TENM4: variants seen among roughly 807,000 people sequenced by gnomAD.
The protein encoded by TENM4 is teneurin-4.
A neutral mutation model predicts 243.3 loss-of-function variants in TENM4; 82 were observed. The ratio of observed to expected loss-of-function variants is 0.34; its 90% CI spans 0.28 to 0.40. The LOEUF is 0.40. Ranked by LOEUF, TENM4 falls within the 10% of genes least tolerant of loss-of-function variation. The pLI is 1.00. For missense variants in TENM4, 3,138 were observed against 3,673.3 expected, an observed-to-expected ratio of 0.85 and a Z score of 3.77; for synonymous variants, 1,412 against 1,456.3, an observed-to-expected ratio of 0.97 and a Z score of 0.69.
Position 78,658,744 on chromosome 11 carries a change from G to T in TENM4, c.7624C>A (p.Leu2542Ile), listed in dbSNP as rs1857962925. Residue 2542 changes from leucine (L) to isoleucine (I), a missense_variant, in exon 34 of 34, where the codon CTC (leucine) becomes ATC (isoleucine). Physicochemically the swap from Leu to Ile is conservative, Grantham distance 5 (BLOSUM62 2). Coordinates refer to ENST00000278550, the MANE Select transcript of TENM4 (RefSeq NM_001098816.3). Reference protein sequence around the residue: ...AFVTLERFDQLYGSTITSCQQ... With the variant: ...AFVTLERFDQIYGSTITSCQQ... ...CAGCTGGTGATTGTGGAGCCATAGA[G>T]CTGGTCAAACCGTTCTAAGGTGACA... 1.2e-6 allele frequency: 2 copies of T among 1,613,906 alleles called. No individual in the cohort carries two copies. The highest frequency in any genetic ancestry group is 1.7e-6 in the Non-Finnish European group (2 of 1,179,900).
At chr11:79,120,880 C>T (rs970273791) in intron 4 of TENM4, among the ~76,000 whole-genome samples, 9 of 152,118 alleles carry the variant, frequency 5.9e-5, no homozygotes, top group Admixed American at 5.9e-4. Context: ...TACTTGTTAA[C>T]CCCCACAGCA....
chr11:79,112,936 G>T (rs914782762), intron 4 of TENM4, among the ~76,000 whole-genome samples: 7 of 152,148 alleles, frequency 4.6e-5, no homozygotes, highest in African/African-American at 1.7e-4. Flanking sequence ...AGGCAGAAAA[G>T]ATCAGTTCTC....
At chr11:79,379,496 G>T (rs1857958849) in intron 1 of TENM4, among the ~76,000 whole-genome samples, 1 of 152,186 alleles carries the variant, frequency 6.6e-6, no homozygotes, top group African/African-American at 2.4e-5. Context: ...CTGGATCAGG[G>T]TGGTCCAATT....
At chr11:79,158,640 T>C (rs1862675448) in intron 3 of TENM4, among the ~76,000 whole-genome samples, 1 of 152,212 alleles carries the variant, frequency 6.6e-6, no homozygotes. Flanking sequence ...CATTGTAGTT[T>C]ATACTTCTGA....
intron 2 of TENM4, among the ~76,000 whole-genome samples, chr11:79,221,545 A>T (rs574986113): frequency 1.3e-5 from 2 of 151,762 alleles, no homozygotes; most frequent in Non-Finnish European, 2.9e-5. Context: ...AGAGCACGTC[A>T]GTGAGGTGGA....
At chr11:78,940,493 T>G (rs1392603205) in intron 6 of TENM4, among the ~76,000 whole-genome samples, 2 of 152,206 alleles carry the variant, frequency 1.3e-5, no homozygotes, top group African/African-American at 4.8e-5. Flanking sequence ...TTCCTGGGGA[T>G]GGTTTAAGTG....
intron 6 of TENM4, among the ~76,000 whole-genome samples, chr11:78,922,650 A>G (rs902616849): frequency 3.3e-5 from 5 of 152,246 alleles, no homozygotes; most frequent in African/African-American, 1.2e-4. Context: ...AATGAAGGCA[A>G]CAGCAAGAGA....
intron 18 of TENM4, among the ~76,000 whole-genome samples, chr11:78,765,625 TG>T (rs1320163326): frequency 6.6e-6 from 1 of 152,214 alleles, no homozygotes; most frequent in Non-Finnish European, 1.5e-5. Context: ...GTTTTTATCC[TG>T]GAGGCTTTTT....
intron 1 of TENM4, among the ~76,000 whole-genome samples, chr11:79,391,455 T>C (rs1858231538): frequency 6.6e-6 from 1 of 152,182 alleles, no homozygotes; most frequent in Admixed American, 6.5e-5. Flanking sequence ...TGGGAACTAC[T>C]GAAAATTGAT....
chr11:79,159,661 T>C (rs753506505), intron 3 of TENM4, among the ~76,000 whole-genome samples: 4 of 152,146 alleles, frequency 2.6e-5, no homozygotes, highest in Non-Finnish European at 4.4e-5. Context: ...AGCCTCTAGG[T>C]AGATAGAGCT....
At chr11:79,228,029 A>AT (rs1381345762) in intron 2 of TENM4, among the ~76,000 whole-genome samples, 1 of 152,230 alleles carries the variant, frequency 6.6e-6, no homozygotes, top group Admixed American at 6.5e-5. Context: ...ATGAGAAGAC[A>AT]TTTTAGTGAC....
intron 1 of TENM4, among the ~76,000 whole-genome samples, chr11:79,307,395 C>A (rs1031616686): frequency 3.9e-5 from 6 of 152,180 alleles, no homozygotes; most frequent in African/African-American, 1.4e-4. Flanking sequence ...ACCTAGGTCA[C>A]TCCTGACACC....
At chr11:79,267,258 C>T (rs1855897983) in intron 2 of TENM4, among the ~76,000 whole-genome samples, 1 of 152,166 alleles carries the variant, frequency 6.6e-6, no homozygotes, top group Non-Finnish European at 1.5e-5. Flanking sequence ...ACATACTTGG[C>T]CTATTGCAAA....
chr11:78,901,005 C>T (rs1203751712), intron 7 of TENM4, among the ~76,000 whole-genome samples: 1 of 152,140 alleles, frequency 6.6e-6, no homozygotes, highest in Admixed American at 6.5e-5. Flanking sequence ...TCAAACATTT[C>T]AACCGGGGCT....
chr11:79,302,108 T>G (rs1352454301), intron 1 of TENM4, among the ~76,000 whole-genome samples: 1 of 152,200 alleles, frequency 6.6e-6, no homozygotes, highest in Admixed American at 6.5e-5. Flanking sequence ...AAATACTTAC[T>G]GGATTACTTT....
At chr11:79,095,100 G>C (rs967683767) in intron 4 of TENM4, among the ~76,000 whole-genome samples, 9 of 152,266 alleles carry the variant, frequency 5.9e-5, no homozygotes, top group Admixed American at 1.3e-4. Context: ...TGGGGAGAGG[G>C]GGGTGAAGGG....
At chr11:78,686,359 G>A (rs574927093) in intron 29 of TENM4, among the ~76,000 whole-genome samples, 29 of 152,260 alleles carry the variant, frequency 1.9e-4, no homozygotes, top group South Asian at 1.7e-3. Context: ...ACATCTCTTC[G>A]TCTATACCCT....
chr11:79,100,916 C>A (rs111716789), intron 4 of TENM4, among the ~76,000 whole-genome samples: 2,376 of 152,246 alleles, frequency 0.016, 47 homozygotes, highest in African/African-American at 0.052. Context: ...CTTTCCCATC[C>A]CCCAGAAAAG....
chr11:79,042,431 T>A (rs1859557940), intron 6 of TENM4, among the ~76,000 whole-genome samples: 1 of 152,180 alleles, frequency 6.6e-6, no homozygotes, highest in Admixed American at 6.5e-5. Flanking sequence ...AAGAGGGCTC[T>A]TCCCTTATGA....
Sources: gnomAD v4.1 joint callset for allele counts (sites outside exome capture counted in the v4.1 genomes callset) on GRCh38, gnomAD v4.1.1 for gene constraint, MANE v1.5 for transcripts, NCBI Gene and HGNC (gene_info 2026-07-23, HGNC 2026-07-21) for gene names.